The following CSMD1 variants were observed in gnomAD, a reference collection of about 807,000 sequenced individuals.
The protein encoded by CSMD1 is CUB and sushi domain-containing protein 1.
In CSMD1, 213 loss-of-function variants were observed where a neutral mutation model predicts 417.5. The ratio of observed to expected loss-of-function variants is 0.51; its 90% confidence interval spans 0.46 to 0.57. The LOEUF is 0.57. CSMD1 is among the 20% of genes least tolerant of loss of function. CSMD1 has a pLI of 0.00. For missense variants in CSMD1, 6,923 were observed against 4,529.7 expected (o/e 1.53, Z -15.17); for synonymous variants, 2,862 against 1,736.8 (o/e 1.65, Z -16.11).
intron 1 of CSMD1, among the ~76,000 whole-genome samples, chr8:4,729,480 G>C (rs568269462): frequency 9.2e-5 from 14 of 152,170 alleles, no homozygotes; most frequent in Non-Finnish European, 2.1e-4. Flanking sequence ...GAAAGGAAAA[G>C]TGAGTCACAC....
At chr8:3,567,275 C>T (rs977717247) in intron 10 of CSMD1, among the ~76,000 whole-genome samples, 3 of 151,784 alleles carry the variant, frequency 2.0e-5, no homozygotes, top group African/African-American at 7.3e-5. Context: ...CTGGAGGGTG[C>T]AGGGTGGGAG....
chr8:3,132,948 G>T (rs1402694111), intron 41 of CSMD1, among the ~76,000 whole-genome samples: 2 of 152,292 alleles, frequency 1.3e-5, no homozygotes, highest in Admixed American at 6.5e-5. Flanking sequence ...CCTTCGCCCA[G>T]GTCTACAAGA....
chr8:3,387,090 C>T lies in CSMD1; in HGVS notation c.2782+404G>A, dbSNP rs1247083486. Among the ~76,000 whole-genome samples the T allele has an allele frequency of 3.3e-5, 5 of 152,086 alleles. No homozygotes were observed. In the South Asian group the frequency reaches 1.0e-3, roughly 31 times the overall value. On this transcript the variant is annotated intron_variant, in intron 18 of 69. Transcript: ENST00000635120. The stretch of plus-strand genomic sequence containing the variant: ...AAGGCTCTGCTAGACATTCAGTCCA[C>T]GGAAACAAAGACACGGACTGTAGAC...
chr8:3,849,036 C>T (rs1329170917), intron 5 of CSMD1, among the ~76,000 whole-genome samples: 3 of 151,876 alleles, frequency 2.0e-5, no homozygotes, highest in Non-Finnish European at 2.9e-5. Context: ...TAAACTTAAA[C>T]TTAGTGGCAT....
intron 3 of CSMD1, among the ~76,000 whole-genome samples, chr8:4,054,445 G>C (rs1435332595): frequency 6.6e-6 from 1 of 152,134 alleles, no homozygotes; most frequent in Non-Finnish European, 1.5e-5. Context: ...GTATGGGAGA[G>C]AAGCAAACTT....
chr8:3,263,346 G>GCCTT (rs1222088122), intron 26 of CSMD1, among the ~76,000 whole-genome samples: 1 of 152,196 alleles, frequency 6.6e-6, no homozygotes, highest in Non-Finnish European at 1.5e-5. Context: ...TGATCTGCCT[G>GCCTT]CCTTGACCTG....
At chr8:4,768,359 C>T (rs982131765) in intron 1 of CSMD1, among the ~76,000 whole-genome samples, 1 of 152,066 alleles carries the variant, frequency 6.6e-6, no homozygotes. Flanking sequence ...AAGACAAGTC[C>T]ATCAAAGCTT....
intron 5 of CSMD1, among the ~76,000 whole-genome samples, chr8:3,905,959 T>A (rs750491923): frequency 6.6e-6 from 1 of 152,240 alleles, no homozygotes; most frequent in Non-Finnish European, 1.5e-5. Context: ...CCATACCTTT[T>A]GATTTTATCA....
chr8:3,844,701 G>A (rs1332153641), intron 5 of CSMD1, among the ~76,000 whole-genome samples: 1 of 152,118 alleles, frequency 6.6e-6, no homozygotes, highest in Admixed American at 6.5e-5. Context: ...AGCCTCACTA[G>A]TTTTATTTCT....
intron 1 of CSMD1, among the ~76,000 whole-genome samples, chr8:4,792,984 ATAT>A (rs1797774177): frequency 3.9e-4 from 2 of 5,066 alleles, no homozygotes; most frequent in African/African-American, 4.5e-4. Context: ...TGTGTATGCA[ATAT>A]ATATATATAT....
chr8:4,107,871 T>G (rs1178886271), intron 3 of CSMD1, among the ~76,000 whole-genome samples: 1 of 152,156 alleles, frequency 6.6e-6, no homozygotes, highest in East Asian at 1.9e-4. Context: ...ATAGAAGGAA[T>G]TACTCACTCT....
chr8:4,182,388 T>A (rs1032423641), intron 3 of CSMD1, among the ~76,000 whole-genome samples: 5 of 152,142 alleles, frequency 3.3e-5, no homozygotes, highest in Admixed American at 1.3e-4. Context: ...CTTTTAAAAC[T>A]TATTAGAGAG....
chr8:3,948,203 A>G (rs1462721237), intron 5 of CSMD1, among the ~76,000 whole-genome samples: 1 of 152,148 alleles, frequency 6.6e-6, no homozygotes, highest in Non-Finnish European at 1.5e-5. Flanking sequence ...GACTCCGTCT[A>G]AATAATAACA....
chr8:4,148,412 A>C (rs967300184), intron 3 of CSMD1, among the ~76,000 whole-genome samples: 1 of 151,940 alleles, frequency 6.6e-6, no homozygotes, highest in Non-Finnish European at 1.5e-5. Context: ...AGATATACCT[A>C]ATGTTAAATG....
At chr8:4,834,764 G>A (rs550318508) in intron 1 of CSMD1, among the ~76,000 whole-genome samples, 21 of 151,748 alleles carry the variant, frequency 1.4e-4, no homozygotes, top group Middle Eastern at 3.4e-3. Flanking sequence ...AGACCATCCT[G>A]GCTAACACGG....
chr8:3,925,693 A>G (rs1350560215), intron 5 of CSMD1, among the ~76,000 whole-genome samples: 3 of 151,974 alleles, frequency 2.0e-5, no homozygotes, highest in Non-Finnish European at 4.4e-5. Context: ...TCTTGCCACC[A>G]CCACGTAAGA....
intron 3 of CSMD1, among the ~76,000 whole-genome samples, chr8:4,300,924 C>T (rs1001275302): frequency 5.3e-5 from 8 of 152,262 alleles, no homozygotes; most frequent in African/African-American, 9.6e-5. Context: ...TTTCTTAATC[C>T]AGACTATCGT....
intron 22 of CSMD1, among the ~76,000 whole-genome samples, chr8:3,345,389 C>G (rs1326842293): frequency 6.6e-6 from 1 of 152,132 alleles, no homozygotes; most frequent in South Asian, 2.1e-4. Context: ...TGGGTCCAAC[C>G]ACCGAAACCC....
chr8:4,390,294 A>C (rs1585001054), intron 3 of CSMD1, among the ~76,000 whole-genome samples: 1 of 152,290 alleles, frequency 6.6e-6, no homozygotes, highest in East Asian at 1.9e-4. Flanking sequence ...GGAGCAATCA[A>C]GTTATCTCTT....
Sources: allele counts gnomAD v4.1 joint callset (sites outside exome capture counted in the v4.1 genomes callset), GRCh38; gene constraint gnomAD v4.1.1; transcripts MANE v1.5; gene names NCBI Gene and HGNC (gene_info 2026-07-23, HGNC 2026-07-21).